The following INTS14 variants were observed in gnomAD, a reference collection of about 807,000 sequenced individuals.
The protein encoded by INTS14 is UPF0464 protein C15orf44.
Under a neutral mutation model 56.9 loss-of-function variants are expected in INTS14, and 27 were observed. That is an observed-to-expected ratio of 0.47 (90% confidence interval 0.35 to 0.65). INTS14 has a LOEUF of 0.65. Ranked by LOEUF, INTS14 falls within the 30% of genes least tolerant of loss-of-function variation. The pLI is 0.00. For missense variants in INTS14, 517 were observed against 632.2 expected (o/e 0.82, Z 1.95); for synonymous variants, 207 against 236.2 (o/e 0.88, Z 1.13).
intron 9 of INTS14, 132 bp downstream of exon 9, chr15:65,591,466 A>G (rs970597152): frequency 3.0e-5 from 37 of 1,229,940 alleles, no homozygotes; most frequent in Non-Finnish European, 4.1e-5. Context: ...CACCGTACAC[A>G]TCCAGCATCA....
chr15:65,611,013 G>T (rs755466201), intron 1 of INTS14, 85 bp downstream of exon 1: 79 of 1,524,798 alleles, frequency 5.2e-5, no homozygotes, highest in Non-Finnish European at 6.8e-5. Flanking sequence ...CGCTGGCCCT[G>T]GGTTGTTCTT....
chr15:65,610,475 C>A lies in INTS14; in HGVS notation c.-63+623G>T, dbSNP rs77170697. 6.8e-4 allele frequency among the ~76,000 whole-genome samples: 102 copies of A among 151,034 alleles called. 3 individuals are homozygous for A. In the East Asian group the frequency reaches 0.017, roughly 26 times the overall value. On this transcript the variant is annotated intron_variant, in intron 1 of 11. Transcript: ENST00000313182. Reference sequence around the variant, plus strand: ...GTCTCCCACCCCCACCCCCTTCCCACGTGTACTGTTCAAACAACTAGGGCT... The same window carrying A: ...GTCTCCCACCCCCACCCCCTTCCCAAGTGTACTGTTCAAACAACTAGGGCT...
In INTS14 at chr15:65,598,906, G is replaced by A. The variant is rs1596257451; in HGVS notation, c.571C>T (p.Pro191Ser). ...GEGQIFTIDG[P>S]LCLKNVQSMF... ...GACTGTACATTCTTCAAGCACAGGG[G>A]GCCATCAATAGTAAAAATCTGCCCT... The change falls in exon 5 of 12, where the codon CCC becomes TCC. Residue 191 changes from proline (P) to serine (S), a missense_variant. Pro to Ser is a moderately conservative substitution (Grantham distance 74). Coordinates refer to ENST00000313182, the MANE Select transcript of INTS14 (RefSeq NM_001394796.1). 6.2e-7 allele frequency: 1 copy of A among 1,613,826 alleles called. No homozygotes were observed. Among genetic ancestry groups the A allele is most frequent in the Admixed American group, 1.7e-5 (1 of 59,972 alleles).
In INTS14 at chr15:65,593,554, G is replaced by A; in HGVS notation, c.860C>T (p.Thr287Ile). Reference sequence around the variant, plus strand: ...ATCTTCATTGTCATCAGTGATGCCAGTACCCACCTCATCACCTTCTGTGAA... The same window carrying A: ...ATCTTCATTGTCATCAGTGATGCCAATACCCACCTCATCACCTTCTGTGAA... ...ALNKEGDEVG[T>I]GITDDNEDEN... Residue 287 changes from threonine (T) to isoleucine (I), a missense_variant, in exon 8 of 12, where the codon ACT becomes ATT. By Grantham distance (89) the Thr-to-Ile change is moderately conservative. Coordinates refer to ENST00000313182, the MANE Select transcript of INTS14 (RefSeq NM_001394796.1). 2 of 1,612,594 alleles carry A rather than the reference G, an allele frequency of 1.2e-6. No homozygotes were observed. The highest frequency in any genetic ancestry group is 1.7e-6 in the Non-Finnish European group (2 of 1,179,576).
chr15:65,586,653 G>A (rs1011859579), intron 9 of INTS14: 3 of 151,990 alleles, frequency 2.0e-5, no homozygotes, highest in Non-Finnish European at 4.4e-5. Context: ...ATTTATGAAA[G>A]AAGAAATTTT....
intron 9 of INTS14, among the ~76,000 whole-genome samples, chr15:65,585,877 C>T (rs981673147): frequency 1.2e-4 from 18 of 152,242 alleles, no homozygotes; most frequent in African/African-American, 4.3e-4. Flanking sequence ...CTTCCTTTGT[C>T]AACCCTCTTC....
At position 65,598,344 on chromosome 15, in the gene INTS14, G is replaced by C; in HGVS notation, c.725C>G (p.Pro242Arg). ...ACCTGTGTTAATGACTTTAGGGATA[G>C]GATCAATTTCTTCATCTACAACAAA... ...EPFVVDEEID[P>R]IPKVINTDLE... Residue 242 changes from proline to arginine, a missense_variant, in exon 6 of 12, where the codon CCT (proline) becomes CGT (arginine). By Grantham distance (103) the Pro-to-Arg change is moderately radical. Transcript: ENST00000313182. The C allele has an allele frequency of 6.2e-7, 1 of 1,613,976 alleles. No homozygotes were observed. Among genetic ancestry groups the C allele is most frequent in the South Asian group, 1.1e-5 (1 of 91,078 alleles).
chr15:65,598,894 TC>T lies in INTS14; in HGVS notation c.582del (p.Lys195ArgfsTer10). On this transcript the variant is annotated frameshift_variant, in exon 5 of 12. Transcript: ENST00000313182. LOFTEE classifies it high-confidence loss of function. ...CACCCAAACATAGACTGTACATTCT[TC>T]AAGCACAGGGGGCCATCAATAGTAA... ...QIFTIDGPLCLKNVQSMFGKL... is the reference protein window; with the variant it reads ...QIFTIDGPLCXKNVQSMFGKL... 1 of 1,613,844 alleles carries T rather than the reference TC, an allele frequency of 6.2e-7. No homozygotes were observed. Among genetic ancestry groups the T allele is most frequent in the Non-Finnish European group, 8.5e-7 (1 of 1,179,840 alleles).
intron 4 of INTS14, chr15:65,599,489 A>G: frequency 4.0e-6 from 1 of 248,624 alleles, no homozygotes; most frequent in Non-Finnish European, 7.7e-6. Flanking sequence ...TAAGAATTCT[A>G]TATAAGGGAA....
At chr15:65,608,594 G>C (rs1262018679) in intron 1 of INTS14, among the ~76,000 whole-genome samples, 1 of 152,086 alleles carries the variant, frequency 6.6e-6, no homozygotes, top group Non-Finnish European at 1.5e-5. Flanking sequence ...CTACTGACAT[G>C]ATGAAATATC....
At chr15:65,587,901 G>A (rs1288299036) in intron 9 of INTS14, among the ~76,000 whole-genome samples, 5 of 152,160 alleles carry the variant, frequency 3.3e-5, no homozygotes, top group African/African-American at 7.2e-5. Context: ...AGGATCACCC[G>A]AGAGGTCAAG....
chr15:65,594,347 G>A (rs2073133498), intron 7 of INTS14, among the ~76,000 whole-genome samples: 1 of 151,044 alleles, frequency 6.6e-6, no homozygotes, highest in Admixed American at 6.6e-5. Context: ...AAATTCAACA[G>A]CCCTTACAAA....
At chr15:65,597,653 T>C (rs1048253004) in intron 6 of INTS14, among the ~76,000 whole-genome samples, 4 of 152,194 alleles carry the variant, frequency 2.6e-5, no homozygotes, top group African/African-American at 7.2e-5. Flanking sequence ...TGATTCTCCC[T>C]GCCTAGCCAA....
At chr15:65,581,547 CAAAAAAAAAAAAAAAAAA>C (rs57782914) in intron 11 of INTS14, among the ~76,000 whole-genome samples, 12 of 47,736 alleles carry the variant, frequency 2.5e-4, no homozygotes, top group Non-Finnish European at 4.3e-4. Flanking sequence ...GACTCCATCT[CAAAAAAAAAAAAAAAAAA>C]AAAAAAAAAA....
rs776072620 is a variant in INTS14 at position 65,599,069 on chromosome 15, A to G, written c.487-79T>C. The G allele has an allele frequency of 8.3e-6, 8 of 959,378 alleles. No homozygotes were observed. In the Admixed American group the frequency reaches 9.6e-5, roughly 12 times the overall value. 59.4% of individuals were successfully genotyped at this position (959,378 alleles called of 1,614,324 possible). On this transcript the variant is annotated intron_variant, in intron 4 of 11. Transcript: ENST00000313182. Reference sequence around the variant, plus strand: ...TTCTCAGCTCACCAAGGTCAAAGCCATTACGATAACATAGGCAATAAATAA... The same window carrying G: ...TTCTCAGCTCACCAAGGTCAAAGCCGTTACGATAACATAGGCAATAAATAA...
intron 8 of INTS14, among the ~76,000 whole-genome samples, chr15:65,593,141 G>T (rs1380159260): frequency 6.6e-6 from 1 of 151,712 alleles, no homozygotes; most frequent in Non-Finnish European, 1.5e-5. Context: ...GTGCACACCT[G>T]GGTCATGGCT....
intron 11 of INTS14, among the ~76,000 whole-genome samples, chr15:65,580,414 A>G (rs115524575): frequency 0.013 from 1,906 of 152,282 alleles, 31 homozygotes; most frequent in South Asian, 0.046. Flanking sequence ...AGTTAAGAAG[A>G]AGGCCAAACA....
chr15:65,600,298 G>T (rs1270575741), intron 3 of INTS14, among the ~76,000 whole-genome samples: 1 of 149,474 alleles, frequency 6.7e-6, no homozygotes, highest in Non-Finnish European at 1.5e-5. Context: ...GCAACAGAGA[G>T]ACTCTGTCTT....
At chr15:65,609,438 AACT>A (rs1203975755) in intron 1 of INTS14, among the ~76,000 whole-genome samples, 4 of 151,812 alleles carry the variant, frequency 2.6e-5, no homozygotes, top group Non-Finnish European at 5.9e-5. Context: ...ATATTGGTTC[AACT>A]ACACTATATT....
Sources: allele counts gnomAD v4.1 joint callset (sites outside exome capture counted in the v4.1 genomes callset), GRCh38; gene constraint gnomAD v4.1.1; transcripts MANE v1.5; gene names NCBI Gene and HGNC (gene_info 2026-07-23, HGNC 2026-07-21).